Variants in CAST observed in about 807,000 individuals in gnomAD.
CAST encodes the protein MIR583 host.
Under a neutral mutation model 119.6 loss-of-function variants are expected in CAST, and 76 were observed. The ratio of observed to expected loss-of-function variants is 0.64; its 90% CI spans 0.53 to 0.77. CAST has a LOEUF of 0.77. Ranked by LOEUF, CAST falls within the 30% of genes least tolerant of loss-of-function variation. The probability of loss-of-function intolerance (pLI) is 0.00; values close to 1 mark genes in which losing one functional copy is unlikely to be tolerated. For missense variants in CAST, 953 were observed against 946.5 expected, an observed-to-expected ratio of 1.01 and a Z score of -0.09; for synonymous variants, 319 against 331.6, an observed-to-expected ratio of 0.96 and a Z score of 0.41.
At chr5:96,165,128 G>A in the CAST span, among the ~76,000 whole-genome samples, 1 of 152,036 alleles carries the variant, frequency 6.6e-6, no homozygotes, top group Non-Finnish European at 1.5e-5. Flanking sequence ...GGACAGGAGG[G>A]GAGAATGCAG....
chr5:96,675,517 A>G (rs1257512997), intron 1 of CAST, 22 bp from the exon 2 acceptor site: 1 of 1,562,234 alleles, frequency 6.4e-7, no homozygotes, highest in Non-Finnish European at 8.8e-7. Flanking sequence ...TTTATTAAGC[A>G]TTATTTTTTA....
chr5:96,004,063 A>G, the CAST span, among the ~76,000 whole-genome samples: 7 of 152,258 alleles, frequency 4.6e-5, no homozygotes, highest in Admixed American at 1.3e-4. Flanking sequence ...AATTCTTTGC[A>G]TATCGAAGAC....
chr5:96,080,446 T>C, the CAST span, among the ~76,000 whole-genome samples: 2 of 152,244 alleles, frequency 1.3e-5, no homozygotes, highest in Admixed American at 1.3e-4. Context: ...GGAGATAGTT[T>C]GGCAGGGCAA....
the CAST span, among the ~76,000 whole-genome samples, chr5:96,085,963 T>C: frequency 5.2e-5 from 7 of 133,982 alleles, no homozygotes; most frequent in African/African-American, 1.9e-4. Flanking sequence ...TCATCATCCC[T>C]CTGTATCTGC....
At chr5:96,733,913 G>T (rs1162616856) in intron 9 of CAST, among the ~76,000 whole-genome samples, 1 of 152,112 alleles carries the variant, frequency 6.6e-6, no homozygotes, top group African/African-American at 2.4e-5. Flanking sequence ...AAGGTACCAT[G>T]GTTGGTTCTG....
the CAST span, among the ~76,000 whole-genome samples, chr5:96,378,240 A>T: frequency 6.6e-6 from 1 of 152,172 alleles, no homozygotes. Flanking sequence ...TAAATTCTGG[A>T]GCTCTAACGT....
At chr5:96,713,016 G>A (rs568435429) in intron 3 of CAST, among the ~76,000 whole-genome samples, 1 of 152,164 alleles carries the variant, frequency 6.6e-6, no homozygotes. Context: ...CAGCGTAAGT[G>A]CACATAAAAG....
the CAST span, among the ~76,000 whole-genome samples, chr5:96,035,626 G>C: frequency 6.6e-6 from 1 of 151,804 alleles, no homozygotes; most frequent in African/African-American, 2.4e-5. Flanking sequence ...GGAATGGGGG[G>C]AATTGGGGTG....
chr5:96,253,509 T>C, the CAST span, among the ~76,000 whole-genome samples: 1 of 152,156 alleles, frequency 6.6e-6, no homozygotes, highest in Non-Finnish European at 1.5e-5. Flanking sequence ...AGTAATCAAA[T>C]TAAGCTAATT....
chr5:96,456,078 G>T, the CAST span, among the ~76,000 whole-genome samples: 1 of 152,134 alleles, frequency 6.6e-6, no homozygotes, highest in Non-Finnish European at 1.5e-5. Flanking sequence ...CTCGGTATTT[G>T]TAAGACAATA....
the CAST span, among the ~76,000 whole-genome samples, chr5:96,497,706 C>T: frequency 0.88 from 134,324 of 151,858 alleles, 60,094 homozygotes; most frequent in Middle Eastern, 0.98. Context: ...TTTGATGGGG[C>T]TGTTTGTTTT....
the CAST span, among the ~76,000 whole-genome samples, chr5:96,360,609 G>C: frequency 3.3e-5 from 5 of 152,214 alleles, no homozygotes; most frequent in Admixed American, 1.3e-4. Context: ...GTCTGCTGCA[G>C]TTTGCTGGAT....
chr5:96,558,749 T>A (rs979672058), intron 1 of CAST, among the ~76,000 whole-genome samples: 2 of 152,150 alleles, frequency 1.3e-5, no homozygotes, highest in African/African-American at 4.8e-5. Context: ...CAGGACCAGA[T>A]GGATTCACAG....
At chr5:96,256,575 A>G in the CAST span, among the ~76,000 whole-genome samples, 2 of 150,024 alleles carry the variant, frequency 1.3e-5, no homozygotes, top group African/African-American at 5.0e-5. Flanking sequence ...ACAGCATGTT[A>G]CTGTACTGAA....
At chr5:96,017,131 C>T in the CAST span, among the ~76,000 whole-genome samples, 52 of 152,194 alleles carry the variant, frequency 3.4e-4, no homozygotes, top group Admixed American at 9.8e-4. Flanking sequence ...CCACCAAGGC[C>T]GGCCGGTTAT....
At chr5:96,344,395 T>A in the CAST span, among the ~76,000 whole-genome samples, 1 of 152,158 alleles carries the variant, frequency 6.6e-6, no homozygotes, top group African/African-American at 2.4e-5. Context: ...TTATATTTTT[T>A]AAGTGGTAAT....
intron 1 of CAST, among the ~76,000 whole-genome samples, chr5:96,546,744 C>T (rs958393026): frequency 6.6e-6 from 1 of 152,160 alleles, no homozygotes; most frequent in African/African-American, 2.4e-5. Flanking sequence ...GCATATAATG[C>T]CTCCAAAATA....
chr5:96,741,495 A>C lies in CAST; in HGVS notation c.1013A>C (p.Glu338Ala). Residue 338 changes from glutamate (E) to alanine (A), a missense_variant and splice_region_variant, in exon 15 of 32, where the codon GAA becomes GCA. Coordinates refer to ENST00000675179, the MANE Select transcript of CAST (RefSeq NM_001750.7). ...TAAGKKTEKE[E>A]STEVLKAQSA... The stretch of plus-strand genomic sequence containing the variant: ...AATCTTTTGTATTTTGTTTTTCAGG[A>C]ATCTACAGAAGTTTTAAAAGCTCAG... 1 of 1,610,272 alleles carries C rather than the reference A, an allele frequency of 6.2e-7. No homozygotes were observed. The highest frequency in any genetic ancestry group is 8.5e-7 in the Non-Finnish European group (1 of 1,176,678).
chr5:96,551,632 TAA>T (rs1446813576), intron 1 of CAST, among the ~76,000 whole-genome samples: 5 of 151,718 alleles, frequency 3.3e-5, no homozygotes, highest in Non-Finnish European at 7.4e-5. Flanking sequence ...GCAAATTGGA[TAA>T]AGAGTCAAGA....
Sources: gnomAD v4.1 joint callset for allele counts (sites outside exome capture counted in the v4.1 genomes callset) on GRCh38, gnomAD v4.1.1 for gene constraint, MANE v1.5 for transcripts, NCBI Gene and HGNC (gene_info 2026-07-23, HGNC 2026-07-21) for gene names.